RBM41: variants seen among roughly 807,000 people sequenced by gnomAD.
RBM41 encodes the protein RNA binding motif protein 41.
Under a neutral mutation model 30.8 loss-of-function variants are expected in RBM41, and 14 were observed. The observed-to-expected ratio is 0.45, with a 90% CI of 0.30 to 0.71. The LOEUF (loss-of-function observed/expected upper bound fraction) is 0.71, where lower values mean the gene tolerates loss of function less well. RBM41 is among the 30% of genes least tolerant of loss of function. RBM41 has a pLI of 0.08. For missense variants in RBM41, 276 were observed against 326.3 expected, an observed-to-expected ratio of 0.85 and a Z score of 1.19; for synonymous variants, 120 against 110.1, an observed-to-expected ratio of 1.09 and a Z score of -0.56.
intron 5 of RBM41, among the ~76,000 whole-genome samples, chrX:107,098,471 A>T (rs1207178717): frequency 8.9e-6 from 1 of 112,041 alleles, no homozygotes; most frequent in East Asian, 2.8e-4. Flanking sequence ...AGAATCAAAA[A>T]AAAATTCATT....
chrX:107,058,840 G>T (rs1162285968), downstream of RBM41, among the ~76,000 whole-genome samples: 1 of 111,421 alleles, frequency 9.0e-6, no homozygotes, highest in Non-Finnish European at 1.9e-5. Flanking sequence ...CTTCCAGGTT[G>T]CAGACTACTG....
rs545311662 is a variant in RBM41, at chrX:107,117,092, A to C, written c.9-326T>G. Among the ~76,000 whole-genome samples the C allele has an allele frequency of 5.8e-4, 65 of 112,079 alleles. No individual in the cohort carries two copies. The South Asian group carries it at 0.023, about 39-fold the overall frequency. On this transcript the variant is annotated intron_variant, in intron 1 of 7. Transcript: ENST00000685964. ...GCAGCGGGGGGAGGAGAGAATAATA[A>C]CACATAGAAGCATATGCCAAATTAG...
intron 5 of RBM41, among the ~76,000 whole-genome samples, chrX:107,110,150 A>T (rs1438504693): frequency 9.0e-6 from 1 of 111,528 alleles, no homozygotes; most frequent in Admixed American, 9.5e-5. Flanking sequence ...AGCCAAAAAA[A>T]AAAAATAAGT....
intron 6 of RBM41, among the ~76,000 whole-genome samples, chrX:107,080,587 GAAACAAAACA>G (rs200816405): frequency 6.2e-4 from 66 of 106,211 alleles, no homozygotes; most frequent in Middle Eastern, 4.7e-3. Context: ...CTCAAAACAC[GAAACAAAACA>G]AAACAAAACA....
At chrX:107,109,265 A>G (rs1924257693) in intron 5 of RBM41, among the ~76,000 whole-genome samples, 1 of 111,832 alleles carries the variant, frequency 8.9e-6, no homozygotes, top group Non-Finnish European at 1.9e-5. Context: ...ACTCTAATTA[A>G]ATACATTAAA....
intron 5 of RBM41, among the ~76,000 whole-genome samples, chrX:107,095,423 C>T (rs1922881545): frequency 9.1e-6 from 1 of 109,461 alleles, no homozygotes; most frequent in Admixed American, 9.7e-5. Context: ...TGGTGAAACT[C>T]TGTCTCTACT....
In RBM41 at chrX:107,096,577, CT is replaced by C. The variant is rs1922987707; in HGVS notation, c.596-7739del. ...CAAAAATATGAACTTGGACCCTTTA[CT>C]TCACACATAAAAATCAACTCAAATG... On this transcript the variant is annotated intron_variant, in intron 5 of 7. Coordinates refer to ENST00000685964, the MANE Select transcript of RBM41 (RefSeq NM_001324242.2). 2.7e-5 allele frequency among the ~76,000 whole-genome samples: 3 copies of C among 111,721 alleles called. 1 individual carries two copies. In the South Asian group the frequency reaches 1.1e-3, roughly 42 times the overall value.
At chrX:107,057,462 GTTC>G (rs1479850983), downstream of RBM41, among the ~76,000 whole-genome samples, 2 of 111,488 alleles carry the variant, frequency 1.8e-5, no homozygotes, top group Non-Finnish European at 3.8e-5. Flanking sequence ...TTTTACTTCT[GTTC>G]TTCATTTCTA....
intron 5 of RBM41, among the ~76,000 whole-genome samples, chrX:107,099,753 C>T (rs1379216231): frequency 9.1e-6 from 1 of 109,459 alleles, no homozygotes; most frequent in Admixed American, 9.8e-5. Context: ...GGGAACTGTT[C>T]GGGGAACTGT....
intron 5 of RBM41, among the ~76,000 whole-genome samples, chrX:107,098,318 A>G (rs1275189380): frequency 1.8e-5 from 2 of 111,978 alleles, no homozygotes; most frequent in African/African-American, 6.5e-5. Context: ...ATTTACATGG[A>G]AAGGCAAAGT....
rs1935666467 is a variant in RBM41, at chrX:107,062,267, T to C, written c.*5260A>G. Among the ~76,000 whole-genome samples, 1 of 112,052 alleles carries C rather than the reference T, an allele frequency of 8.9e-6. No individual in the cohort carries two copies. Among genetic ancestry groups the C allele is most frequent in the Non-Finnish European group, 1.9e-5 (1 of 53,214 alleles). On this transcript the variant is annotated 3_prime_UTR_variant, in exon 8 of 8. Transcript: ENST00000685964. ...TAGTTTATTGCTGAGTAGGATTCCA[T>C]TGCATGGATATACTACGGTTTATCT...
chrX:107,054,685 G>C, the RBM41 span, among the ~76,000 whole-genome samples: 2 of 111,966 alleles, frequency 1.8e-5, no homozygotes, highest in Non-Finnish European at 3.8e-5. Flanking sequence ...GTGTAGGCTG[G>C]ATACGTTCTT....
chrX:107,087,246 T>C (rs1460276699), intron 6 of RBM41, among the ~76,000 whole-genome samples: 2 of 111,917 alleles, frequency 1.8e-5, no homozygotes, highest in Admixed American at 1.9e-4. Flanking sequence ...TTATTCTATA[T>C]AACTTTTGGT....
downstream of RBM41, among the ~76,000 whole-genome samples, chrX:107,061,873 CG>C (rs1935652779): frequency 9.0e-6 from 1 of 111,711 alleles, no homozygotes; most frequent in Non-Finnish European, 1.9e-5. Context: ...CAGAAATGAC[CG>C]TCTCTCCAAG....
chrX:107,112,998 C>T (rs1277620808), intron 5 of RBM41: 2 of 230,043 alleles, frequency 8.7e-6, no homozygotes, highest in Non-Finnish European at 1.6e-5. Context: ...TAGAATTGTA[C>T]ACCAAAAAAG....
intron 5 of RBM41, among the ~76,000 whole-genome samples, chrX:107,112,692 T>C (rs1461010980): frequency 8.9e-6 from 1 of 111,949 alleles, no homozygotes; most frequent in Non-Finnish European, 1.9e-5. Context: ...GATGAAACAC[T>C]ACTCAACAAA....
intron 5 of RBM41, among the ~76,000 whole-genome samples, chrX:107,094,116 T>C (rs1208553962): frequency 3.6e-5 from 4 of 111,957 alleles, no homozygotes; most frequent in East Asian, 2.8e-4. Context: ...AATGGCTTCA[T>C]TGGTAAATTC....
the RBM41 span, among the ~76,000 whole-genome samples, chrX:107,053,307 G>C: frequency 0.1 from 6,068 of 60,806 alleles, no homozygotes; most frequent in African/African-American, 0.17. Context: ...AACAATGATA[G>C]GCTGAGGTAC....
chrX:107,109,181 G>A (rs761718460), intron 5 of RBM41, among the ~76,000 whole-genome samples: 9 of 110,172 alleles, frequency 8.2e-5, no homozygotes, highest in Non-Finnish European at 1.5e-4. Flanking sequence ...AATAAATGGA[G>A]GAACAGAGGA....
Sources: gnomAD v4.1 joint callset for allele counts (sites outside exome capture counted in the v4.1 genomes callset) on GRCh38, gnomAD v4.1.1 for gene constraint, MANE v1.5 for transcripts, NCBI Gene and HGNC (gene_info 2026-07-23, HGNC 2026-07-21) for gene names.